The following NLGN1 variants were observed in gnomAD, a reference collection of about 807,000 sequenced individuals.
NLGN1 encodes the protein neuroligin 1.
A neutral mutation model predicts 65.5 loss-of-function variants in NLGN1; 12 were observed. The ratio of observed to expected loss-of-function variants is 0.18; its 90% CI spans 0.12 to 0.30. The LOEUF (loss-of-function observed/expected upper bound fraction) is 0.30, where lower values mean the gene tolerates loss of function less well. NLGN1 is among the 10% of genes least tolerant of loss of function. The pLI, the probability that NLGN1 is intolerant of heterozygous loss-of-function variation, is 1.00. For missense variants in NLGN1, 750 were observed against 1,007.1 expected (o/e 0.74, Z 3.46); for synonymous variants, 350 against 359.5 (o/e 0.97, Z 0.30).
chr3:174,288,230 G>A (rs1327644237), downstream of NLGN1, among the ~76,000 whole-genome samples: 1 of 151,484 alleles, frequency 6.6e-6, no homozygotes, highest in Non-Finnish European at 1.5e-5. Flanking sequence ...CACCAGTTAA[G>A]GTATGTAGCA....
intron 1 of NLGN1, among the ~76,000 whole-genome samples, chr3:173,420,118 C>T (rs1216742693): frequency 6.7e-6 from 1 of 149,366 alleles, no homozygotes; most frequent in Non-Finnish European, 1.5e-5. Flanking sequence ...GGTACATGTG[C>T]ACAACGTGCA....
chr3:173,473,995 C>A (rs1268328730), intron 2 of NLGN1, among the ~76,000 whole-genome samples: 1 of 152,142 alleles, frequency 6.6e-6, no homozygotes, highest in Non-Finnish European at 1.5e-5. Context: ...AGAGTGCCAG[C>A]GTTAGCCTCA....
At chr3:174,142,533 C>T (rs190742527) in intron 4 of NLGN1, among the ~76,000 whole-genome samples, 27 of 152,118 alleles carry the variant, frequency 1.8e-4, no homozygotes, top group Non-Finnish European at 3.2e-4. Flanking sequence ...TTTCAAGCAG[C>T]AGTACTGATT....
At chr3:173,461,781 C>T (rs1184340469) in intron 2 of NLGN1, among the ~76,000 whole-genome samples, 1 of 152,112 alleles carries the variant, frequency 6.6e-6, no homozygotes, top group Non-Finnish European at 1.5e-5. Flanking sequence ...CTCTTCTTCC[C>T]TGGTTTCTCG....
chr3:174,260,683 G>C (rs951928086), intron 4 of NLGN1, among the ~76,000 whole-genome samples: 2 of 143,846 alleles, frequency 1.4e-5, no homozygotes, highest in Non-Finnish European at 3.0e-5. Flanking sequence ...AAGCTCTTTA[G>C]TTTAATTAGA....
chr3:173,609,163 C>T (rs1268378820), intron 3 of NLGN1, among the ~76,000 whole-genome samples: 1 of 151,936 alleles, frequency 6.6e-6, no homozygotes, highest in Non-Finnish European at 1.5e-5. Flanking sequence ...CATTGTCTGG[C>T]TCATGGATTC....
intron 3 of NLGN1, among the ~76,000 whole-genome samples, chr3:173,746,125 T>C (rs1006900971): frequency 3.9e-5 from 6 of 152,040 alleles, no homozygotes; most frequent in Non-Finnish European, 8.8e-5. Context: ...ATGAACAGTT[T>C]ATACCCACCT....
At chr3:173,960,286 T>C (rs563983663) in intron 4 of NLGN1, among the ~76,000 whole-genome samples, 2 of 152,078 alleles carry the variant, frequency 1.3e-5, no homozygotes, top group Admixed American at 1.3e-4. Context: ...ATTTGTAGGG[T>C]TTTTTTGCTT....
chr3:173,741,235 C>G (rs1386809219), intron 3 of NLGN1, among the ~76,000 whole-genome samples: 1 of 152,064 alleles, frequency 6.6e-6, no homozygotes, highest in Non-Finnish European at 1.5e-5. Flanking sequence ...ATTCTGTTGC[C>G]TAGCATGGCA....
intron 3 of NLGN1, among the ~76,000 whole-genome samples, chr3:173,761,802 T>C (rs891451407): frequency 6.6e-6 from 1 of 152,058 alleles, no homozygotes; most frequent in Non-Finnish European, 1.5e-5. Context: ...TTTAAACTTA[T>C]CAATTGAGAC....
intron 4 of NLGN1, among the ~76,000 whole-genome samples, chr3:174,105,155 A>G (rs1369206460): frequency 6.6e-6 from 1 of 152,164 alleles, no homozygotes; most frequent in Non-Finnish European, 1.5e-5. Context: ...GAAGTAGAAT[A>G]GAAAGACATA....
chr3:174,275,405 G>T (rs1750359909), exon 5 of NLGN1: 32 of 1,612,422 alleles, frequency 2.0e-5, no homozygotes, highest in Non-Finnish European at 2.6e-5. Context: ...GAAAACATTG[G>T]ATTCTTTGGT....
intron 4 of NLGN1, among the ~76,000 whole-genome samples, chr3:173,946,138 A>C (rs1560697787): frequency 6.6e-6 from 1 of 152,260 alleles, no homozygotes; most frequent in African/African-American, 2.4e-5. Context: ...ATTAGAGTTT[A>C]GAAATGCAAA....
At chr3:174,199,403 A>G (rs1734037018) in intron 4 of NLGN1, among the ~76,000 whole-genome samples, 1 of 151,620 alleles carries the variant, frequency 6.6e-6, no homozygotes, top group Non-Finnish European at 1.5e-5. Flanking sequence ...TAGTAGTAAG[A>G]GTGAGAGTGG....
At chr3:173,439,055 C>G (rs980174630) in intron 2 of NLGN1, among the ~76,000 whole-genome samples, 1 of 152,146 alleles carries the variant, frequency 6.6e-6, no homozygotes, top group Non-Finnish European at 1.5e-5. Context: ...AAATTCCTCT[C>G]TTGGATATTA....
intron 4 of NLGN1, among the ~76,000 whole-genome samples, chr3:173,869,800 G>T (rs1451179470): frequency 1.3e-5 from 2 of 152,060 alleles, no homozygotes; most frequent in Non-Finnish European, 2.9e-5. Flanking sequence ...TACAAACGAG[G>T]CTTTAATTCA....
At chr3:174,147,542 T>C (rs1723564917) in intron 4 of NLGN1, among the ~76,000 whole-genome samples, 1 of 149,026 alleles carries the variant, frequency 6.7e-6, no homozygotes, top group South Asian at 2.2e-4. Flanking sequence ...CAAGTGATTA[T>C]CCTGGCTCAG....
chr3:173,796,381 C>T (rs1714072747), intron 3 of NLGN1, among the ~76,000 whole-genome samples: 2 of 151,998 alleles, frequency 1.3e-5, no homozygotes, highest in East Asian at 1.9e-4. Context: ...CATCGCACGT[C>T]CTTTACCAGA....
At chr3:174,045,626 A>G (rs16832865) in intron 4 of NLGN1, among the ~76,000 whole-genome samples, 22,566 of 152,134 alleles carry the variant, frequency 0.15, 1,939 homozygotes, top group African/African-American at 0.24. Flanking sequence ...GACATTAGCT[A>G]AGATTGCTTC....
Sources: gnomAD v4.1 joint callset for allele counts (sites outside exome capture counted in the v4.1 genomes callset) on GRCh38, gnomAD v4.1.1 for gene constraint, MANE v1.5 for transcripts, NCBI Gene and HGNC (gene_info 2026-07-23, HGNC 2026-07-21) for gene names.